ICA1: variants seen among roughly 807,000 people sequenced by gnomAD.
ICA1 encodes the protein islet cell autoantigen 1, also known as 69 kDa islet cell autoantigen.
ICA1 carries 40 observed loss-of-function variants against 71.0 expected under a neutral mutation model. That is an observed-to-expected ratio of 0.56 (90% CI 0.44 to 0.73). ICA1 has a LOEUF of 0.73. Among genes scored for constraint, ICA1 ranks in the 30% least tolerant of loss-of-function variants. The pLI, the probability that ICA1 is intolerant of heterozygous loss-of-function variation, is 0.00. For synonymous variants in ICA1, 207 were observed against 209.5 expected (o/e 0.99, Z 0.10); for missense variants, 578 against 576.5 (o/e 1.00, Z -0.03).
intron 1 of ICA1, among the ~76,000 whole-genome samples, chr7:8,253,466 C>A (rs1020446344): frequency 1.3e-5 from 2 of 151,952 alleles, no homozygotes; most frequent in African/African-American, 4.8e-5. Context: ...CAATATGTAT[C>A]CACAAATGTA....
chr7:8,169,637 CAT>C (rs1312211240), intron 6 of ICA1, among the ~76,000 whole-genome samples: 1 of 151,982 alleles, frequency 6.6e-6, no homozygotes, highest in Non-Finnish European at 1.5e-5. Context: ...TTATTTGCCA[CAT>C]ATATTTTTAG....
At chr7:8,194,362 A>G (rs1313903450) in intron 6 of ICA1, among the ~76,000 whole-genome samples, 1 of 152,230 alleles carries the variant, frequency 6.6e-6, no homozygotes, top group African/African-American at 2.4e-5. Context: ...ACAAAAGTTC[A>G]TGTTTATTTA....
chr7:8,123,435 C>T lies in ICA1; in HGVS notation c.1330+4438G>A, dbSNP rs936878695. Among the ~76,000 whole-genome samples, 13 of 151,774 alleles carry T rather than the reference C, an allele frequency of 8.6e-5. No homozygotes were observed. The highest frequency in any genetic ancestry group is 2.7e-4 in the African/African-American group (11 of 41,388). ...AGAGGGGGTGAGGGAGCTGGGGACG[C>T]GGCCCAGAGCTTGCACTTCAGTCCT... On this transcript the variant is annotated intron_variant, in intron 13 of 13. Transcript: ENST00000402384. The surrounding 1 kb of genome is among the most constrained non-coding windows in gnomAD (Gnocchi z 4.1).
chr7:8,257,290 C>A (rs1380216918), intron 1 of ICA1, among the ~76,000 whole-genome samples: 1 of 152,168 alleles, frequency 6.6e-6, no homozygotes, highest in Non-Finnish European at 1.5e-5. Context: ...ATGCTCTACC[C>A]TGGAAATATC....
intron 1 of ICA1, among the ~76,000 whole-genome samples, chr7:8,240,833 A>G (rs1190329578): frequency 6.6e-6 from 1 of 152,204 alleles, no homozygotes; most frequent in Non-Finnish European, 1.5e-5. Context: ...GAATCAAATT[A>G]ACGAAATAAA....
intron 2 of ICA1, among the ~76,000 whole-genome samples, chr7:8,233,274 TA>T (rs1288510449): frequency 6.6e-6 from 1 of 152,198 alleles, no homozygotes; most frequent in African/African-American, 2.4e-5. Flanking sequence ...GAATGGCAGT[TA>T]CGAGTGGCTA....
chr7:8,201,442 G>A (rs1789646485), intron 6 of ICA1, among the ~76,000 whole-genome samples: 1 of 152,150 alleles, frequency 6.6e-6, no homozygotes, highest in Admixed American at 6.5e-5. Context: ...CTTCAATCAG[G>A]GAACTGGGCC....
At chr7:8,221,153 G>A in intron 5 of ICA1, 122 bp downstream of exon 5, 1 of 1,106,692 alleles carries the variant, frequency 9.0e-7, no homozygotes, top group South Asian at 1.4e-5. Context: ...TGAGTACAGA[G>A]CAGCTCCTCA....
At chr7:8,248,741 A>G (rs761580946) in intron 1 of ICA1, among the ~76,000 whole-genome samples, 1 of 152,180 alleles carries the variant, frequency 6.6e-6, no homozygotes. Context: ...GAAAGAAAAG[A>G]AAATACACAC....
chr7:8,170,932 G>A (rs1207942390), intron 6 of ICA1, among the ~76,000 whole-genome samples: 1 of 151,834 alleles, frequency 6.6e-6, no homozygotes, highest in Non-Finnish European at 1.5e-5. Context: ...TATTTAAAGT[G>A]TACAATTAAA....
At chr7:8,188,198 G>T (rs1784472378) in intron 6 of ICA1, among the ~76,000 whole-genome samples, 2 of 152,200 alleles carry the variant, frequency 1.3e-5, no homozygotes, top group African/African-American at 4.8e-5. Context: ...TTATCAAACT[G>T]CTTTCATAGA....
At chr7:8,119,018 T>C (rs1349306870) in intron 13 of ICA1, among the ~76,000 whole-genome samples, 3 of 152,238 alleles carry the variant, frequency 2.0e-5, no homozygotes, top group Admixed American at 6.5e-5. Flanking sequence ...ACTTCCTCAG[T>C]TGGTCTCTGA....
chr7:8,191,684 T>C (rs2128299664), intron 6 of ICA1, among the ~76,000 whole-genome samples: 1 of 152,214 alleles, frequency 6.6e-6, no homozygotes, highest in East Asian at 1.9e-4. Flanking sequence ...ATATATGTGT[T>C]ATATAATACA....
chr7:8,161,281 CTATAT>C (rs1378363375), intron 6 of ICA1, among the ~76,000 whole-genome samples: 2 of 151,942 alleles, frequency 1.3e-5, no homozygotes, highest in South Asian at 2.1e-4. Flanking sequence ...AAGTTAGTCA[CTATAT>C]TATAATAGAA....
chr7:8,134,397 T>C (rs1406923048), intron 12 of ICA1, among the ~76,000 whole-genome samples: 1 of 152,130 alleles, frequency 6.6e-6, no homozygotes, highest in Non-Finnish European at 1.5e-5. Context: ...TTTCATGACC[T>C]CAGCATAAAT....
At chr7:8,158,117 C>T (rs1802379858) in intron 7 of ICA1, among the ~76,000 whole-genome samples, 2 of 152,142 alleles carry the variant, frequency 1.3e-5, no homozygotes, top group Admixed American at 1.3e-4. Flanking sequence ...GAAACAAAAA[C>T]AATGCATTGA....
intron 1 of ICA1, among the ~76,000 whole-genome samples, chr7:8,243,334 G>A (rs1256428510): frequency 6.6e-6 from 1 of 152,176 alleles, no homozygotes; most frequent in Non-Finnish European, 1.5e-5. Flanking sequence ...TATCTCAATG[G>A]ATGCAGAAAA....
chr7:8,186,491 G>A (rs1783955037), intron 6 of ICA1, among the ~76,000 whole-genome samples: 1 of 152,152 alleles, frequency 6.6e-6, no homozygotes, highest in Non-Finnish European at 1.5e-5. Flanking sequence ...CAGGGAAGTG[G>A]CCACAGTAGA....
At chr7:8,235,588 A>G (rs1351555539) in intron 2 of ICA1, among the ~76,000 whole-genome samples, 1 of 152,264 alleles carries the variant, frequency 6.6e-6, no homozygotes, top group African/African-American at 2.4e-5. Flanking sequence ...GAAGTTATAA[A>G]TAAGATAGTA....
Sources: gnomAD v4.1 joint callset for allele counts (sites outside exome capture counted in the v4.1 genomes callset) on GRCh38, gnomAD v4.1.1 for gene constraint, Gnocchi (gnomAD v3.1) non-coding constraint, MANE v1.5 for transcripts, NCBI Gene and HGNC (gene_info 2026-07-23, HGNC 2026-07-21) for gene names.